Variants in MAP2K6 observed in about 807,000 individuals in gnomAD.
MAP2K6 encodes the protein mitogen-activated protein kinase kinase 6.
In MAP2K6, 16 loss-of-function variants were observed where a neutral mutation model predicts 53.7. The observed-to-expected ratio is 0.30, with a 90% CI of 0.20 to 0.45. The LOEUF is 0.45. Ranked by LOEUF, MAP2K6 falls within the 20% of genes least tolerant of loss-of-function variation. MAP2K6 has a pLI of 1.00. For missense variants in MAP2K6, 204 were observed against 411.9 expected, an observed-to-expected ratio of 0.50 and a Z score of 4.37; for synonymous variants, 132 against 143.1, an observed-to-expected ratio of 0.92 and a Z score of 0.55.
At chr17:69,451,607 G>A (rs1032123819) in intron 1 of MAP2K6, among the ~76,000 whole-genome samples, 5 of 152,170 alleles carry the variant, frequency 3.3e-5, no homozygotes, top group Non-Finnish European at 5.9e-5. Flanking sequence ...CATTTGAGGG[G>A]ACGCTAACAA....
chr17:69,444,423 G>T (rs1375097055), intron 1 of MAP2K6, among the ~76,000 whole-genome samples: 4 of 152,176 alleles, frequency 2.6e-5, no homozygotes, highest in Non-Finnish European at 5.9e-5. Flanking sequence ...TCCATCAAAA[G>T]AATTTGGTGT....
chr17:69,426,636 A>C (rs1377252754), intron 1 of MAP2K6, among the ~76,000 whole-genome samples: 2 of 152,174 alleles, frequency 1.3e-5, no homozygotes, highest in Non-Finnish European at 2.9e-5. Flanking sequence ...TCCTATGAAT[A>C]AGAGAGAGAT....
intron 11 of MAP2K6, among the ~76,000 whole-genome samples, chr17:69,540,971 T>C (rs1911587692): frequency 6.6e-6 from 1 of 152,188 alleles, no homozygotes; most frequent in Non-Finnish European, 1.5e-5. Context: ...GAAATAAAAG[T>C]GCATACTGCT....
intron 11 of MAP2K6, among the ~76,000 whole-genome samples, chr17:69,541,396 G>T (rs1911624575): frequency 6.6e-6 from 1 of 152,056 alleles, no homozygotes; most frequent in Non-Finnish European, 1.5e-5. Context: ...TTTGTATTTT[G>T]CTGTAGATGA....
rs1010780385 is a variant in MAP2K6, at chr17:69,544,925, T to C, written c.*3172T>C. Reference sequence around the variant, plus strand: ...GAGATGTGTGTCATCATTTGAGAATTCTTACTTAGGTTTTGTTGTTGTTTG... The same window carrying C: ...GAGATGTGTGTCATCATTTGAGAATCCTTACTTAGGTTTTGTTGTTGTTTG... On this transcript the variant is annotated 3_prime_UTR_variant, in exon 12 of 12. Transcript: ENST00000590474. The C allele has an allele frequency of 1.3e-5, 2 of 152,220 alleles. No individual in the cohort carries two copies. Among genetic ancestry groups the C allele is most frequent in the Non-Finnish European group, 2.9e-5 (2 of 68,030 alleles). 9.4% of individuals were successfully genotyped at this position (152,220 alleles called of 1,614,324 possible). A position where few individuals can be genotyped will look rare whatever the true frequency, so the allele number is the denominator to read the frequency against.
chr17:69,476,463 G>C (rs1224324757), intron 1 of MAP2K6, among the ~76,000 whole-genome samples: 1 of 152,236 alleles, frequency 6.6e-6, no homozygotes, highest in African/African-American at 2.4e-5. Flanking sequence ...TAAGCTGGAT[G>C]CTTGTGAATG....
At chr17:69,471,213 C>A (rs1907971070) in intron 1 of MAP2K6, among the ~76,000 whole-genome samples, 1 of 152,218 alleles carries the variant, frequency 6.6e-6, no homozygotes, top group South Asian at 2.1e-4. Context: ...CAACCACCAG[C>A]TTTCAGTGGG....
chr17:69,419,926 AAATT>A (rs1767185106), intron 1 of MAP2K6, among the ~76,000 whole-genome samples: 1 of 151,852 alleles, frequency 6.6e-6, no homozygotes, highest in African/African-American at 2.4e-5. Context: ...AAAAAAAAAA[AAATT>A]AATTAATTTG....
intron 10 of MAP2K6, among the ~76,000 whole-genome samples, chr17:69,529,471 A>T (rs1253353657): frequency 6.6e-6 from 1 of 151,800 alleles, no homozygotes; most frequent in Non-Finnish European, 1.5e-5. Flanking sequence ...GAGATATTTT[A>T]AAATGAACAT....
At chr17:69,502,349 A>G in intron 1 of MAP2K6, 2 of 985,468 alleles carry the variant, frequency 2.0e-6, no homozygotes, top group Non-Finnish European at 2.4e-6. Flanking sequence ...TCTTCCTTGC[A>G]GCCTCGAAAA....
chr17:69,535,845 T>C (rs1014842790), intron 10 of MAP2K6, among the ~76,000 whole-genome samples: 1 of 151,564 alleles, frequency 6.6e-6, no homozygotes, highest in Non-Finnish European at 1.5e-5. Context: ...GAAAAATTAG[T>C]GTGCATATCA....
intron 1 of MAP2K6, chr17:69,505,546 C>A: frequency 2.5e-6 from 1 of 393,662 alleles, no homozygotes; most frequent in Non-Finnish European, 4.7e-6. Flanking sequence ...CTGATGTTTG[C>A]CCCCTGGACT....
rs1407753252 is a variant in MAP2K6 at position 69,551,644 on chromosome 17, A to G, written c.*9891A>G. 6.6e-6 allele frequency: 1 copy of G among 152,188 alleles called. No homozygotes were observed. Among genetic ancestry groups the G allele is most frequent in the Non-Finnish European group, 1.5e-5 (1 of 68,014 alleles). 9.4% of individuals were successfully genotyped at this position (152,188 alleles called of 1,614,324 possible). A position where few individuals can be genotyped will look rare whatever the true frequency, so the allele number is the denominator to read the frequency against. ...TAAGAAAATTGTGTTTATCTCCTGT[A>G]TTACCTCTGTGTTTGATTTATTCTT... On this transcript the variant is annotated 3_prime_UTR_variant, in exon 12 of 12. Coordinates refer to ENST00000590474, the MANE Select transcript of MAP2K6 (RefSeq NM_002758.4).
chr17:69,480,206 A>T (rs561686491), intron 1 of MAP2K6, among the ~76,000 whole-genome samples: 1 of 152,318 alleles, frequency 6.6e-6, no homozygotes, highest in South Asian at 2.1e-4. Context: ...AGAATTTTGC[A>T]TCGGTACCCT....
At chr17:69,531,748 A>G (rs1911095443) in intron 10 of MAP2K6, among the ~76,000 whole-genome samples, 1 of 152,352 alleles carries the variant, frequency 6.6e-6, no homozygotes, top group Non-Finnish European at 1.5e-5. Flanking sequence ...ATAGGACTAC[A>G]GAATGAGATT....
intron 9 of MAP2K6, among the ~76,000 whole-genome samples, chr17:69,525,753 C>G (rs1411894526): frequency 6.6e-6 from 1 of 152,156 alleles, no homozygotes. Flanking sequence ...CACTGGGTCC[C>G]TCCCACAACA....
rs573587052 is a variant in MAP2K6, at chr17:69,533,832, C to T, written c.882-2283C>T. On this transcript the variant is annotated intron_variant, in intron 10 of 11. Coordinates refer to ENST00000590474, the MANE Select transcript of MAP2K6 (RefSeq NM_002758.4). ...GTGTTTCTTTCTAGGTAAACTAGCTCTTGAACTTAGAAAGAAACACTTTTG... is the reference window on the plus strand; with the variant it reads ...GTGTTTCTTTCTAGGTAAACTAGCTTTTGAACTTAGAAAGAAACACTTTTG... Among the ~76,000 whole-genome samples the T allele has an allele frequency of 4.0e-5, 6 of 150,352 alleles. No individual in the cohort carries two copies. The East Asian group carries it at 9.8e-4, about 24-fold the overall frequency.
Position 69,543,227 on chromosome 17 carries a change from T to C in MAP2K6, c.*1474T>C, listed in dbSNP as rs1036165787. ...TTGGACAAGGAAGGACAGAGGGTTT[T>C]GATTTTAAAAAGAAGAAAAAAAAAC... On this transcript the variant is annotated 3_prime_UTR_variant, in exon 12 of 12. Transcript: ENST00000590474. 5.9e-5 allele frequency: 9 copies of C among 152,168 alleles called. No individual in the cohort carries two copies. Among genetic ancestry groups the C allele is most frequent in the Non-Finnish European group, 1.0e-4 (7 of 68,028 alleles). 9.4% of individuals were successfully genotyped at this position (152,168 alleles called of 1,614,324 possible). A position where few individuals can be genotyped will look rare whatever the true frequency, so the allele number is the denominator to read the frequency against.
At chr17:69,521,655 T>C (rs1910477690) in intron 7 of MAP2K6, 1 of 152,104 alleles carries the variant, frequency 6.6e-6, no homozygotes, top group Non-Finnish European at 1.5e-5. Flanking sequence ...ATCCATCCAT[T>C]CATTCATTTT....
Sources: allele counts gnomAD v4.1 joint callset (sites outside exome capture counted in the v4.1 genomes callset), GRCh38; gene constraint gnomAD v4.1.1; transcripts MANE v1.5; gene names NCBI Gene and HGNC (gene_info 2026-07-23, HGNC 2026-07-21).